The following DACH2 variants were observed in gnomAD, a reference collection of about 807,000 sequenced individuals.
The protein encoded by DACH2 is dachshund family transcription factor 2.
In DACH2, 17 loss-of-function variants were observed where a neutral mutation model predicts 35.8. The ratio of observed to expected loss-of-function variants is 0.48; its 90% CI spans 0.33 to 0.71. The LOEUF (loss-of-function observed/expected upper bound fraction) is 0.71, where lower values mean the gene tolerates loss of function less well. Ranked by LOEUF, DACH2 falls within the 30% of genes least tolerant of loss-of-function variation. DACH2 has a pLI of 0.02. For synonymous variants in DACH2, 195 were observed against 177.3 expected (o/e 1.10, Z -0.79); for missense variants, 469 against 472.7 (o/e 0.99, Z 0.07).
chrX:86,294,051 T>C (rs1190679322), intron 1 of DACH2, among the ~76,000 whole-genome samples: 1 of 112,059 alleles, frequency 8.9e-6, no homozygotes, highest in Non-Finnish European at 1.9e-5. Context: ...CCCGTCACTT[T>C]CAGGTACACC....
At chrX:86,620,638 C>T (rs2040058697) in intron 3 of DACH2, among the ~76,000 whole-genome samples, 1 of 110,863 alleles carries the variant, frequency 9.0e-6, no homozygotes, top group Admixed American at 9.7e-5. Context: ...TTGATTTATT[C>T]CAGAGAACAG....
intron 2 of DACH2, among the ~76,000 whole-genome samples, chrX:86,488,305 T>C (rs764576638): frequency 9.8e-5 from 11 of 111,697 alleles, no homozygotes; most frequent in Non-Finnish European, 2.1e-4. Context: ...TGATCACAGA[T>C]AGGCAAGTCG....
chrX:86,510,112 T>G (rs1299587660), intron 2 of DACH2, among the ~76,000 whole-genome samples: 3 of 112,276 alleles, frequency 2.7e-5, no homozygotes, highest in Non-Finnish European at 3.8e-5. Context: ...GGACTGCTCA[T>G]ATGATTTATA....
In DACH2 at chrX:86,317,179, G is replaced by A. The variant is rs369096767; in HGVS notation, c.489-59645G>A. 3.5e-4 allele frequency among the ~76,000 whole-genome samples: 39 copies of A among 109,863 alleles called. No homozygotes were observed. In the Admixed American group the frequency reaches 3.7e-3, roughly 10 times the overall value. ...GAGTATTAAGACTACCATTATTAGC[G>A]GGGGCACTGTAGGCCATAACCATGA... On this transcript the variant is annotated intron_variant, in intron 1 of 11. Coordinates refer to ENST00000373125, the MANE Select transcript of DACH2 (RefSeq NM_053281.3).
intron 7 of DACH2, among the ~76,000 whole-genome samples, chrX:86,756,149 T>C (rs1031588630): frequency 9.0e-6 from 1 of 111,483 alleles, no homozygotes; most frequent in Non-Finnish European, 1.9e-5. Context: ...AGCCTTGTAA[T>C]ATATTTTGAA....
chrX:86,593,232 G>A (rs960824510), intron 3 of DACH2, among the ~76,000 whole-genome samples: 1 of 109,519 alleles, frequency 9.1e-6, no homozygotes, highest in African/African-American at 3.3e-5. Flanking sequence ...GTGAATGAAT[G>A]TTTTATTTTG....
intron 2 of DACH2, among the ~76,000 whole-genome samples, chrX:86,510,592 C>A (rs2038383062): frequency 8.9e-6 from 1 of 111,812 alleles, no homozygotes; most frequent in African/African-American, 3.2e-5. Context: ...TAAGGGATGA[C>A]CTGGGCCCAG....
intron 7 of DACH2, among the ~76,000 whole-genome samples, chrX:86,743,492 C>G (rs1312904358): frequency 9.0e-6 from 1 of 111,356 alleles, no homozygotes; most frequent in Non-Finnish European, 1.9e-5. Context: ...ATCAGATCAT[C>G]AGTTTATTGT....
At chrX:86,686,268 C>G (rs1197436538) in intron 4 of DACH2, among the ~76,000 whole-genome samples, 1 of 111,085 alleles carries the variant, frequency 9.0e-6, no homozygotes, top group Non-Finnish European at 1.9e-5. Context: ...GAGTCTCACT[C>G]TGTCGCCAGG....
intron 4 of DACH2, among the ~76,000 whole-genome samples, chrX:86,679,616 C>CTCTGTGTGTGTGTGTG (rs1391639741): frequency 2.1e-5 from 2 of 96,284 alleles, no homozygotes; most frequent in African/African-American, 7.6e-5. Context: ...CTCTCTGTCT[C>CTCTGTGTGTGTGTGTG]TGTGTGTGTG....
At chrX:86,556,831 A>G (rs982575361) in intron 3 of DACH2, among the ~76,000 whole-genome samples, 1 of 72,405 alleles carries the variant, frequency 1.4e-5, no homozygotes, top group African/African-American at 4.6e-5. Context: ...GAGAGAGAGA[A>G]GAAGAAATGT....
At chrX:86,466,269 G>T (rs1440853478) in intron 2 of DACH2, among the ~76,000 whole-genome samples, 1 of 111,413 alleles carries the variant, frequency 9.0e-6, no homozygotes, top group Non-Finnish European at 1.9e-5. Flanking sequence ...CAGCCCCCAT[G>T]ATTCAAGTTA....
chrX:86,598,608 G>T (rs2039743057), intron 3 of DACH2, among the ~76,000 whole-genome samples: 1 of 110,747 alleles, frequency 9.0e-6, no homozygotes, highest in African/African-American at 3.3e-5. Flanking sequence ...GATCCTTGCT[G>T]GTTAACAAGC....
intron 1 of DACH2, among the ~76,000 whole-genome samples, chrX:86,369,608 T>G (rs1342603451): frequency 9.0e-6 from 1 of 111,720 alleles, no homozygotes; most frequent in African/African-American, 3.2e-5. Context: ...GAGTTCTGCT[T>G]ACAGAACTGC....
intron 7 of DACH2, among the ~76,000 whole-genome samples, chrX:86,764,996 T>C (rs1289675867): frequency 8.9e-6 from 1 of 112,080 alleles, no homozygotes; most frequent in African/African-American, 3.2e-5. Context: ...TTGAGCATTT[T>C]TTTCATATTT....
chrX:86,678,238 AT>A (rs755534369), intron 4 of DACH2, among the ~76,000 whole-genome samples: 1 of 112,311 alleles, frequency 8.9e-6, no homozygotes, highest in East Asian at 2.8e-4. Flanking sequence ...AGACCATGAT[AT>A]TTTATGATAA....
chrX:86,224,628 G>C (rs1391063018), intron 1 of DACH2, among the ~76,000 whole-genome samples: 1 of 110,906 alleles, frequency 9.0e-6, no homozygotes, highest in East Asian at 2.8e-4. Context: ...TGTAAAATTT[G>C]TGTATATCAC....
chrX:86,735,909 A>G (rs1347231316), intron 6 of DACH2, among the ~76,000 whole-genome samples: 1 of 111,639 alleles, frequency 9.0e-6, no homozygotes, highest in Non-Finnish European at 1.9e-5. Flanking sequence ...GTATTTGGCA[A>G]ATGGTGAAGG....
chrX:86,626,390 G>T (rs1443321728), intron 3 of DACH2, among the ~76,000 whole-genome samples: 1 of 112,706 alleles, frequency 8.9e-6, no homozygotes, highest in Non-Finnish European at 1.9e-5. Context: ...ATGGGCTGGT[G>T]TTGAGTGTCT....
Sources: gnomAD v4.1 joint callset for allele counts (sites outside exome capture counted in the v4.1 genomes callset) on GRCh38, gnomAD v4.1.1 for gene constraint, MANE v1.5 for transcripts, NCBI Gene and HGNC (gene_info 2026-07-23, HGNC 2026-07-21) for gene names.